Variants in EXOC4 observed in about 807,000 individuals in gnomAD.
EXOC4 encodes exocyst complex component 4.
In EXOC4, 71 loss-of-function variants were observed where a neutral mutation model predicts 107.2. The observed-to-expected ratio is 0.66, with a 90% CI of 0.55 to 0.81. The LOEUF is 0.81. Among genes scored for constraint, EXOC4 ranks in the 30% least tolerant of loss-of-function variants. EXOC4 has a pLI of 0.00. For missense variants in EXOC4, 1,108 were observed against 1,189.6 expected (o/e 0.93, Z 1.01); for synonymous variants, 456 against 441.2 (o/e 1.03, Z -0.42).
At chr7:133,494,453 T>C (rs141983165) in intron 9 of EXOC4, among the ~76,000 whole-genome samples, 1 of 152,238 alleles carries the variant, frequency 6.6e-6, no homozygotes, top group Non-Finnish European at 1.5e-5. Flanking sequence ...AGAGGACTGA[T>C]AAAAGCAAGG....
chr7:133,970,297 C>A (rs952864085), intron 14 of EXOC4, among the ~76,000 whole-genome samples: 3 of 152,030 alleles, frequency 2.0e-5, no homozygotes, highest in African/African-American at 7.2e-5. Flanking sequence ...GGGGTGGGAT[C>A]CGCTGAGCTA....
chr7:133,384,515 A>C (rs569030773), intron 7 of EXOC4, among the ~76,000 whole-genome samples: 2 of 152,156 alleles, frequency 1.3e-5, no homozygotes, highest in Non-Finnish European at 2.9e-5. Context: ...GGGCCAAGGC[A>C]AGAATGTTGC....
At chr7:133,434,812 T>C (rs1038779260) in intron 7 of EXOC4, among the ~76,000 whole-genome samples, 1 of 152,218 alleles carries the variant, frequency 6.6e-6, no homozygotes, top group Non-Finnish European at 1.5e-5. Flanking sequence ...TCTTTGTTTT[T>C]GTAATTAAAG....
rs530968831 is a variant in EXOC4 at position 133,741,866 on chromosome 7, GT to G, written c.1515-75456del. The stretch of plus-strand genomic sequence containing the variant: ...GTTTCTCAGTACCTTCCAGTGATTT[GT>G]TTGCCATTTGCTGATCTGGATTGGT... On this transcript the variant is annotated intron_variant, in intron 10 of 17. Transcript: ENST00000253861. Among the ~76,000 whole-genome samples the G allele has an allele frequency of 1.6e-4, 24 of 152,238 alleles. 1 individual carries two copies. In the South Asian group the frequency reaches 4.4e-3, roughly 28 times the overall value.
At chr7:133,959,928 TATCTTCC>T (rs1800903823) in intron 14 of EXOC4, among the ~76,000 whole-genome samples, 1 of 152,206 alleles carries the variant, frequency 6.6e-6, no homozygotes, top group Admixed American at 6.5e-5. Flanking sequence ...TCAGAAAACT[TATCTTCC>T]ATGCAGTCTT....
Position 133,374,932 on chromosome 7 carries a change from T to C in EXOC4, c.1112T>C (p.Leu371Pro). The C allele has an allele frequency of 6.2e-7, 1 of 1,614,106 alleles. No individual in the cohort carries two copies. Among genetic ancestry groups the C allele is most frequent in the Non-Finnish European group, 8.5e-7 (1 of 1,179,972 alleles). ...CTGCAGGACACTGTAGTGACTCCAC[T>C]GACTCAGCAGGAAGATATCAAACTG... is the stretch of plus-strand genomic sequence containing the variant. ...GYLQDTVVTP[L>P]TQQEDIKLYD... is the part of the protein sequence containing the mutation. Residue 371 changes from leucine to proline, a missense_variant, in exon 7 of 18, where the codon CTG becomes CCG. Physicochemically the swap from Leu to Pro is moderately conservative, Grantham distance 98. Transcript: ENST00000253861.
chr7:133,349,061 T>C (rs1297533857), intron 5 of EXOC4, among the ~76,000 whole-genome samples: 1 of 152,174 alleles, frequency 6.6e-6, no homozygotes, highest in Non-Finnish European at 1.5e-5. Flanking sequence ...CTTATTCTTA[T>C]AAGAATAAAA....
chr7:133,282,812 A>T (rs1042728429), intron 2 of EXOC4, among the ~76,000 whole-genome samples: 5 of 152,070 alleles, frequency 3.3e-5, no homozygotes, highest in African/African-American at 1.2e-4. Context: ...CTTTTCATCA[A>T]TTTTCAGGCA....
intron 9 of EXOC4, among the ~76,000 whole-genome samples, chr7:133,486,115 A>G (rs1032266427): frequency 5.9e-5 from 9 of 152,132 alleles, no homozygotes; most frequent in African/African-American, 1.9e-4. Flanking sequence ...CACTTCTTTA[A>G]GATGATTTGC....
At chr7:133,939,436 C>T (rs1240480052) in intron 14 of EXOC4, among the ~76,000 whole-genome samples, 1 of 152,214 alleles carries the variant, frequency 6.6e-6, no homozygotes, top group Non-Finnish European at 1.5e-5. Context: ...GGGACTGAAG[C>T]AGTGGGCTTC....
chr7:133,900,000 C>T (rs142654123), intron 12 of EXOC4, among the ~76,000 whole-genome samples: 28 of 152,186 alleles, frequency 1.8e-4, no homozygotes, highest in African/African-American at 6.3e-4. Context: ...ATTCTCCCAC[C>T]GCCTCGGCCT....
At chr7:133,830,977 T>G (rs1277969958) in intron 11 of EXOC4, among the ~76,000 whole-genome samples, 1 of 152,114 alleles carries the variant, frequency 6.6e-6, no homozygotes, top group Admixed American at 6.5e-5. Context: ...TTTGTTTGTT[T>G]GTTTTGAGAC....
the EXOC4 span, among the ~76,000 whole-genome samples, chr7:134,077,455 G>GTAA: frequency 6.6e-6 from 1 of 152,124 alleles, no homozygotes; most frequent in East Asian, 1.9e-4. Flanking sequence ...CAGCTATCTG[G>GTAA]GCATCCCTTA....
At chr7:133,785,675 TGTTTTTG>T (rs1796552946) in intron 10 of EXOC4, among the ~76,000 whole-genome samples, 2 of 38,142 alleles carry the variant, frequency 5.2e-5, no homozygotes, top group Admixed American at 3.5e-4. Flanking sequence ...GTTTTGTTTT[TGTTTTTG>T]TTTTTTTTGA....
intron 11 of EXOC4, among the ~76,000 whole-genome samples, chr7:133,832,080 C>T (rs2151238336): frequency 6.6e-6 from 1 of 152,294 alleles, no homozygotes; most frequent in South Asian, 2.1e-4. Context: ...ATAGCAGTGT[C>T]AGAATAGTTA....
chr7:133,990,710 T>C (rs1794234025), intron 14 of EXOC4, among the ~76,000 whole-genome samples: 1 of 152,162 alleles, frequency 6.6e-6, no homozygotes, highest in Non-Finnish European at 1.5e-5. Context: ...CACCTCGGCC[T>C]CCTGAAGCGC....
At chr7:133,541,964 T>A (rs1800388960) in intron 9 of EXOC4, among the ~76,000 whole-genome samples, 1 of 152,140 alleles carries the variant, frequency 6.6e-6, no homozygotes. Flanking sequence ...TCATACACTT[T>A]TGCTTTCCGG....
intron 5 of EXOC4, among the ~76,000 whole-genome samples, chr7:133,355,802 A>G (rs1796007993): frequency 6.6e-6 from 1 of 151,320 alleles, no homozygotes; most frequent in African/African-American, 2.4e-5. Context: ...CTATTTCCTC[A>G]AAGTCTTGTC....
At chr7:133,952,994 C>T (rs971294295) in intron 14 of EXOC4, among the ~76,000 whole-genome samples, 1 of 152,206 alleles carries the variant, frequency 6.6e-6, no homozygotes, top group Admixed American at 6.5e-5. Context: ...GTTTTCAGAT[C>T]ATTTGGGTAT....
Sources: gnomAD v4.1 joint callset for allele counts (sites outside exome capture counted in the v4.1 genomes callset) on GRCh38, gnomAD v4.1.1 for gene constraint, MANE v1.5 for transcripts, NCBI Gene and HGNC (gene_info 2026-07-23, HGNC 2026-07-21) for gene names.